The following PDE7B variants were observed in gnomAD, a reference collection of about 807,000 sequenced individuals.
PDE7B encodes the protein phosphodiesterase 7B.
A neutral mutation model predicts 56.2 loss-of-function variants in PDE7B; 29 were observed. That is an observed-to-expected ratio of 0.52 (90% CI 0.38 to 0.70). PDE7B has a LOEUF of 0.70. Ranked by LOEUF, PDE7B falls within the 30% of genes least tolerant of loss-of-function variation. The pLI is 0.00. For missense variants in PDE7B, 490 were observed against 565.0 expected, an observed-to-expected ratio of 0.87 and a Z score of 1.35; for synonymous variants, 197 against 196.9, an observed-to-expected ratio of 1.00 and a Z score of 0.00.
chr6:135,890,188 A>T (rs1208516876), intron 1 of PDE7B, among the ~76,000 whole-genome samples: 1 of 152,244 alleles, frequency 6.6e-6, no homozygotes, highest in Non-Finnish European at 1.5e-5. Flanking sequence ...TAAAACAATA[A>T]CATTTTAAAA....
intron 9 of PDE7B, among the ~76,000 whole-genome samples, chr6:136,176,001 T>C (rs770963331): frequency 6.6e-6 from 1 of 152,114 alleles, no homozygotes; most frequent in Non-Finnish European, 1.5e-5. Flanking sequence ...CAAATATATA[T>C]GTAAAGTGGT....
intron 2 of PDE7B, among the ~76,000 whole-genome samples, chr6:135,972,684 G>A (rs1205918342): frequency 1.3e-5 from 2 of 152,124 alleles, no homozygotes; most frequent in Non-Finnish European, 2.9e-5. Flanking sequence ...CCGTTGGTCA[G>A]AAACGAACCA....
intron 1 of PDE7B, among the ~76,000 whole-genome samples, chr6:135,926,279 G>C (rs943965629): frequency 6.6e-6 from 1 of 152,092 alleles, no homozygotes; most frequent in Non-Finnish European, 1.5e-5. Flanking sequence ...GGTAGAGACA[G>C]GGTTTCACCG....
chr6:136,092,746 A>G (rs1777409810), intron 2 of PDE7B, among the ~76,000 whole-genome samples: 1 of 152,100 alleles, frequency 6.6e-6, no homozygotes, highest in Non-Finnish European at 1.5e-5. Context: ...GGACAACAAG[A>G]GCGAGACTGT....
At chr6:136,004,586 G>A (rs1246597622) in intron 2 of PDE7B, among the ~76,000 whole-genome samples, 1 of 151,458 alleles carries the variant, frequency 6.6e-6, no homozygotes, top group African/African-American at 2.4e-5. Context: ...CAAATCATGA[G>A]TGAACTCCCA....
At chr6:136,134,136 T>C (rs1321295423) in intron 3 of PDE7B, among the ~76,000 whole-genome samples, 2 of 151,956 alleles carry the variant, frequency 1.3e-5, no homozygotes, top group Admixed American at 6.6e-5. Flanking sequence ...GTGAGATAGA[T>C]TGAAAGGGAT....
In PDE7B at chr6:136,112,104, A is replaced by G. The variant is rs111370593; in HGVS notation, c.166+3290A>G. Among the ~76,000 whole-genome samples, 308 of 152,014 alleles carry G rather than the reference A, an allele frequency of 2.0e-3. 1 individual carries two copies. Among genetic ancestry groups the G allele is most frequent in the African/African-American group, 6.1e-3 (254 of 41,448 alleles). On this transcript the variant is annotated intron_variant, in intron 3 of 12. Transcript: ENST00000308191. ...CTCCCCCACCCACCTCAGTATATGC[A>G]TTGAATCACTGGAGCACGCAAGAGC...
chr6:136,113,085 G>A (rs954757424), intron 3 of PDE7B, among the ~76,000 whole-genome samples: 7 of 152,124 alleles, frequency 4.6e-5, no homozygotes, highest in Admixed American at 1.3e-4. Context: ...AAGATCTATT[G>A]TATAATATTG....
At chr6:136,008,022 C>G (rs1373279015) in intron 2 of PDE7B, among the ~76,000 whole-genome samples, 1 of 150,482 alleles carries the variant, frequency 6.6e-6, no homozygotes, top group Non-Finnish European at 1.5e-5. Context: ...TGTGATGTTC[C>G]CCTTCCTGTG....
chr6:135,872,809 G>A (rs1158652594), intron 1 of PDE7B, among the ~76,000 whole-genome samples: 7 of 152,038 alleles, frequency 4.6e-5, no homozygotes, highest in African/African-American at 1.4e-4. Context: ...ATAATAAAAT[G>A]CATTCAGTAT....
intron 2 of PDE7B, among the ~76,000 whole-genome samples, chr6:136,089,207 C>G (rs1017649000): frequency 6.6e-6 from 1 of 152,154 alleles, no homozygotes; most frequent in Admixed American, 6.5e-5. Flanking sequence ...GACAAAAGGG[C>G]TTTAGCTCAT....
intron 1 of PDE7B, among the ~76,000 whole-genome samples, chr6:135,926,652 G>C (rs1367269015): frequency 6.6e-6 from 1 of 152,020 alleles, no homozygotes; most frequent in African/African-American, 2.4e-5. Context: ...CCTCCTTCAG[G>C]AGAGAAGAGC....
intron 1 of PDE7B, among the ~76,000 whole-genome samples, chr6:135,868,056 A>AGG (rs1235338491): frequency 6.6e-6 from 1 of 152,218 alleles, no homozygotes; most frequent in Non-Finnish European, 1.5e-5. Context: ...TTTGACATGC[A>AGG]TTTAGGTTAT....
At chr6:135,998,325 G>A (rs1009448940) in intron 2 of PDE7B, among the ~76,000 whole-genome samples, 3 of 151,998 alleles carry the variant, frequency 2.0e-5, no homozygotes, top group East Asian at 1.9e-4. Context: ...CACATTGTTC[G>A]CCTTGGTTCC....
chr6:135,978,224 A>G (rs532153554), intron 2 of PDE7B, among the ~76,000 whole-genome samples: 21 of 152,308 alleles, frequency 1.4e-4, no homozygotes, highest in Middle Eastern at 3.4e-3. Context: ...TACTGTAGGC[A>G]ATTGTAATAT....
intron 1 of PDE7B, among the ~76,000 whole-genome samples, chr6:135,934,806 T>TAA (rs1491314460): frequency 2.6e-5 from 3 of 117,006 alleles, no homozygotes; most frequent in African/African-American, 1.0e-4. Context: ...AATATATATA[T>TAA]TTATTATATA....
intron 1 of PDE7B, among the ~76,000 whole-genome samples, chr6:135,947,023 T>G (rs1472523751): frequency 6.6e-6 from 1 of 152,142 alleles, no homozygotes; most frequent in Admixed American, 6.6e-5. Flanking sequence ...TTCAGAGAGA[T>G]AAAGTATAGG....
chr6:135,948,230 T>C (rs902274999), intron 2 of PDE7B, among the ~76,000 whole-genome samples: 1 of 152,030 alleles, frequency 6.6e-6, no homozygotes, highest in African/African-American at 2.4e-5. Context: ...AGGTCTAGTG[T>C]TTAGATCTTA....
intron 2 of PDE7B, among the ~76,000 whole-genome samples, chr6:135,982,481 G>T (rs1775314047): frequency 6.6e-6 from 1 of 152,034 alleles, no homozygotes. Context: ...CTTGGATCTG[G>T]TGCGCATCCC....
Sources: allele counts gnomAD v4.1 joint callset (sites outside exome capture counted in the v4.1 genomes callset), GRCh38; gene constraint gnomAD v4.1.1; transcripts MANE v1.5; gene names NCBI Gene and HGNC (gene_info 2026-07-23, HGNC 2026-07-21).